Variants in PDE8B observed in about 807,000 individuals in gnomAD.
PDE8B encodes high affinity cAMP-specific and IBMX-insensitive 3',5'-cyclic phosphodiesterase 8B.
A neutral mutation model predicts 101.3 loss-of-function variants in PDE8B; 26 were observed. The ratio of observed to expected loss-of-function variants is 0.26; its 90% confidence interval spans 0.19 to 0.36. The LOEUF (loss-of-function observed/expected upper bound fraction) is 0.36. PDE8B is among the 10% of genes least tolerant of loss of function. PDE8B has a pLI of 1.00. For synonymous variants in PDE8B, 424 were observed against 429.3 expected (o/e 0.99, Z 0.15); for missense variants, 810 against 1,163.1 (o/e 0.70, Z 4.42).
chr5:77,417,287 G>C (rs1463855287), intron 17 of PDE8B, among the ~76,000 whole-genome samples: 1 of 152,072 alleles, frequency 6.6e-6, no homozygotes, highest in Non-Finnish European at 1.5e-5. Flanking sequence ...ACTAGACCAG[G>C]TCCCATGGTT....
rs35776739 is a variant in PDE8B at position 77,335,532 on chromosome 5, GGTGT to G, written c.709-1665_709-1662del. Among the ~76,000 whole-genome samples, 114 of 145,614 alleles carry G rather than the reference GGTGT, an allele frequency of 7.8e-4. No homozygotes were observed. In the East Asian group the frequency reaches 8.3e-3, roughly 11 times the overall value. On this transcript the variant is annotated intron_variant, in intron 5 of 21. Coordinates refer to ENST00000264917, the MANE Select transcript of PDE8B (RefSeq NM_003719.5). ...GCCAACCACTCCAGTGTATATGTGGGGTGTGTGTGTGTGTGTGTGTGTGTGTGTG... is the reference window on the plus strand; with the variant it reads ...GCCAACCACTCCAGTGTATATGTGGGGTGTGTGTGTGTGTGTGTGTGTGTG...
chr5:77,291,650 G>A (rs1294267313), intron 1 of PDE8B: 4 of 1,596,454 alleles, frequency 2.5e-6, no homozygotes, highest in Middle Eastern at 1.8e-4. Flanking sequence ...CAACAAGTGG[G>A]GCTGAGATTG....
intron 1 of PDE8B, among the ~76,000 whole-genome samples, chr5:77,213,027 C>T (rs1748839228): frequency 6.6e-6 from 1 of 152,118 alleles, no homozygotes; most frequent in African/African-American, 2.4e-5. Context: ...CATGTTTGTT[C>T]AGTAGAAGAA....
intron 1 of PDE8B, among the ~76,000 whole-genome samples, chr5:77,294,085 C>A (rs1352003424): frequency 1.3e-5 from 2 of 152,052 alleles, no homozygotes; most frequent in Non-Finnish European, 2.9e-5. Context: ...TTTCATGGAT[C>A]CTGCTCTGTA....
the PDE8B span, among the ~76,000 whole-genome samples, chr5:77,201,523 C>T: frequency 6.6e-6 from 1 of 152,166 alleles, no homozygotes; most frequent in African/African-American, 2.4e-5. Flanking sequence ...TTTCTAGACT[C>T]AAGATTCTGG....
At chr5:77,225,877 CA>C (rs1752264327) in intron 1 of PDE8B, among the ~76,000 whole-genome samples, 3 of 107,576 alleles carry the variant, frequency 2.8e-5, no homozygotes, top group Admixed American at 2.1e-4. Context: ...CACACACACA[CA>C]CACCCCACGC....
chr5:77,210,793 G>A lies in PDE8B; in HGVS notation c.-133G>A. On this transcript the variant is annotated 5_prime_UTR_variant, in exon 1 of 22. Transcript: ENST00000264917. The surrounding 1 kb of genome is among the most constrained non-coding windows in gnomAD (Gnocchi z 4.9). ...GGCACCGCGGCCAGCCCGACGGAGCGGCGGACACACAGGCCGGGGGGCGCG... is the reference window on the plus strand; with the variant it reads ...GGCACCGCGGCCAGCCCGACGGAGCAGCGGACACACAGGCCGGGGGGCGCG... 2.0e-6 allele frequency: 2 copies of A among 983,750 alleles called. No individual in the cohort carries two copies. Among genetic ancestry groups the A allele is most frequent in the Non-Finnish European group, 2.4e-6 (2 of 830,258 alleles). 60.9% of individuals were successfully genotyped at this position (983,750 alleles called of 1,614,324 possible).
chr5:77,163,578 T>A, the PDE8B span, among the ~76,000 whole-genome samples: 2 of 152,336 alleles, frequency 1.3e-5, no homozygotes, highest in South Asian at 4.1e-4. Context: ...CCATCACAGC[T>A]TATAAAACAA....
chr5:77,376,626 T>TA (rs1786185726), intron 10 of PDE8B, among the ~76,000 whole-genome samples: 1 of 152,160 alleles, frequency 6.6e-6, no homozygotes, highest in African/African-American at 2.4e-5. Flanking sequence ...CTCCTGGGGG[T>TA]AATTGTTTAC....
At chr5:77,126,013 T>G in the PDE8B span, among the ~76,000 whole-genome samples, 741 of 152,288 alleles carry the variant, frequency 4.9e-3, 6 homozygotes, top group Middle Eastern at 0.024. Context: ...ACAGCCGGGC[T>G]CAGTGGCTCA....
chr5:77,138,950 T>C, the PDE8B span, among the ~76,000 whole-genome samples: 1 of 152,196 alleles, frequency 6.6e-6, no homozygotes, highest in Non-Finnish European at 1.5e-5. Flanking sequence ...GGCGAAGTGG[T>C]CATGGGTAAA....
intron 10 of PDE8B, among the ~76,000 whole-genome samples, chr5:77,383,810 T>C (rs1045758302): frequency 6.6e-6 from 1 of 152,230 alleles, no homozygotes; most frequent in Non-Finnish European, 1.5e-5. Context: ...GTGTTATTTA[T>C]GAGGCTTCTG....
In PDE8B at chr5:77,211,217, T is replaced by A; in HGVS notation, c.292T>A (p.Cys98Ser). The change falls in exon 1 of 22, where the codon TGC (cysteine) becomes AGC (serine). Residue 98 changes from cysteine (C) to serine (S), a missense_variant. By Grantham distance (112) the Cys-to-Ser change is moderately radical. This residue lies in a region of PDE8B where 251 missense variants were observed against 378.8 expected (regional missense o/e 0.66). Transcript: ENST00000264917. The surrounding 1 kb of genome is among the most constrained non-coding windows in gnomAD (Gnocchi z 4.1). ...CAGCAGGGGCCGGAGGCGCCACTGC[T>A]GCAGCAGCGCCGAGGCCGAGACTCA... ...TTSRGRRRHCCSSAEAETQTC... is the reference protein window; with the variant it reads ...TTSRGRRRHCSSSAEAETQTC... 2 of 1,572,166 alleles carry A rather than the reference T, an allele frequency of 1.3e-6. No homozygotes were observed. Among genetic ancestry groups the A allele is most frequent in the South Asian group, 1.1e-5 (1 of 87,504 alleles).
rs1748361527 is a variant in PDE8B, at chr5:77,211,373, G to C, written c.339+109G>C. 11 of 1,001,882 alleles carry C rather than the reference G, an allele frequency of 1.1e-5. No individual in the cohort carries two copies. The South Asian group carries it at 1.7e-4, about 16-fold the overall frequency. 62.1% of individuals were successfully genotyped at this position (1,001,882 alleles called of 1,614,324 possible). A position where few individuals can be genotyped will look rare whatever the true frequency, so the allele number is the denominator to read the frequency against. On this transcript the variant is annotated intron_variant, in intron 1 of 21. Coordinates refer to ENST00000264917, the MANE Select transcript of PDE8B (RefSeq NM_003719.5). The surrounding 1 kb of genome is among the most constrained non-coding windows in gnomAD (Gnocchi z 4.1). ...TGGGTGACCGTGAGGCGGTTGGTTT[G>C]GAGAGGTTGTCACTAAGGAGGAGTT...
chr5:77,425,871 A>C lies in PDE8B; in HGVS notation c.2523A>C (p.Ile841=). 1 of 1,613,832 alleles carries C rather than the reference A, an allele frequency of 6.2e-7. No homozygotes were observed. The highest frequency in any genetic ancestry group is 8.5e-7 in the Non-Finnish European group (1 of 1,179,696). ...AGATCTCTTTCATTGACTACTTCAT[A>C]ACAGACATGTTTGATGCTTGGGATG... ...KSQISFIDYF[I]TDMFDAWDAF... The change falls in exon 21 of 22, where the codon ATA becomes ATC. Residue 841 remains isoleucine (I), a synonymous_variant. Coordinates refer to ENST00000264917, the MANE Select transcript of PDE8B (RefSeq NM_003719.5).
At chr5:77,202,636 A>AT in the PDE8B span, among the ~76,000 whole-genome samples, 2,832 of 145,926 alleles carry the variant, frequency 0.019, 70 homozygotes, top group African/African-American at 0.058. Flanking sequence ...GTTATTAGTA[A>AT]TTTTTTTTTT....
chr5:77,219,860 A>G (rs1474661893), intron 1 of PDE8B, among the ~76,000 whole-genome samples: 1 of 152,206 alleles, frequency 6.6e-6, no homozygotes, highest in Non-Finnish European at 1.5e-5. Context: ...AAGGATGGCC[A>G]AATAAAGACT....
chr5:77,217,133 CTT>C (rs1387808933), intron 1 of PDE8B, among the ~76,000 whole-genome samples: 1 of 152,154 alleles, frequency 6.6e-6, no homozygotes, highest in Non-Finnish European at 1.5e-5. Context: ...ATATCCTTCT[CTT>C]CAGTTCATTC....
At chr5:77,250,610 CTT>C (rs889212061) in intron 1 of PDE8B, among the ~76,000 whole-genome samples, 1 of 152,194 alleles carries the variant, frequency 6.6e-6, no homozygotes, top group African/African-American at 2.4e-5. Flanking sequence ...GTGACGATGA[CTT>C]TTGTATTTTT....
Sources: gnomAD v4.1 joint callset for allele counts (sites outside exome capture counted in the v4.1 genomes callset) on GRCh38, gnomAD v4.1.1 for gene constraint, gnomAD v4.1.1 regional missense constraint, Gnocchi (gnomAD v3.1) non-coding constraint, MANE v1.5 for transcripts, NCBI Gene and HGNC (gene_info 2026-07-23, HGNC 2026-07-21) for gene names.